The following FSD1L variants were observed in gnomAD, a reference collection of about 807,000 sequenced individuals.
FSD1L encodes fibronectin type III and SPRY domain containing 1 like, also known as FSD1-like protein.
In FSD1L, 45 loss-of-function variants were observed where a neutral mutation model predicts 71.6. That is an observed-to-expected ratio of 0.63 (90% CI 0.49 to 0.81). FSD1L has a LOEUF of 0.81. Among genes scored for constraint, FSD1L ranks in the 30% least tolerant of loss-of-function variants. The pLI, the probability that FSD1L is intolerant of heterozygous loss-of-function variation, is 0.00. For missense variants in FSD1L, 561 were observed against 618.1 expected (o/e 0.91, Z 0.98); for synonymous variants, 197 against 207.2 (o/e 0.95, Z 0.42).
In FSD1L at chr9:105,497,336, A is replaced by C. The variant is rs576983876; in HGVS notation, c.587-9063A>C. 2.6e-5 allele frequency among the ~76,000 whole-genome samples: 4 copies of C among 152,206 alleles called. No individual in the cohort carries two copies. The East Asian group carries it at 5.8e-4, about 22-fold the overall frequency. Reference sequence around the variant, plus strand: ...TGGTTTGTAGTTTTCTTTTGGAGTAATATCTTTGTCAGTTTTGGTATTAGG... The same window carrying C: ...TGGTTTGTAGTTTTCTTTTGGAGTACTATCTTTGTCAGTTTTGGTATTAGG... On this transcript the variant is annotated intron_variant, in intron 7 of 13. Coordinates refer to ENST00000481272, the MANE Select transcript of FSD1L (RefSeq NM_001145313.3).
chr9:105,508,903 A>G (rs532339823), intron 9 of FSD1L, among the ~76,000 whole-genome samples, 188 bp downstream of exon 9: 1 of 152,202 alleles, frequency 6.6e-6, no homozygotes, highest in African/African-American at 2.4e-5. Flanking sequence ...GGGTTTTCTT[A>G]TATGATTTTA....
intron 1 of FSD1L, among the ~76,000 whole-genome samples, chr9:105,454,484 A>C (rs1194001490): frequency 1.3e-5 from 2 of 152,206 alleles, no homozygotes; most frequent in Non-Finnish European, 2.9e-5. Flanking sequence ...GAGTCAATGT[A>C]TATCTATTTC....
upstream of FSD1L, among the ~76,000 whole-genome samples, chr9:105,447,424 C>T (rs1450800856): frequency 1.3e-5 from 2 of 151,792 alleles, no homozygotes; most frequent in Non-Finnish European, 2.9e-5. Flanking sequence ...CTGCAAAGTC[C>T]GCATTATTTC....
intron 7 of FSD1L, among the ~76,000 whole-genome samples, chr9:105,490,326 T>C (rs973360949): frequency 2.3e-4 from 35 of 152,222 alleles, no homozygotes; most frequent in African/African-American, 7.7e-4. Flanking sequence ...TCTGTTCATG[T>C]CCTTCGCCCA....
At chr9:105,520,777 A>C (rs1197180193) in intron 10 of FSD1L, 1 of 1,612,512 alleles carries the variant, frequency 6.2e-7, no homozygotes, top group Non-Finnish European at 8.5e-7. Context: ...AATCTCATTA[A>C]TCCTCCACTC....
intron 1 of FSD1L, among the ~76,000 whole-genome samples, chr9:105,455,300 A>G (rs963301675): frequency 6.6e-6 from 1 of 152,096 alleles, no homozygotes; most frequent in Non-Finnish European, 1.5e-5. Context: ...TCTCCCTTGT[A>G]TGTAATCCCT....
intron 13 of FSD1L, among the ~76,000 whole-genome samples, chr9:105,543,748 C>G (rs1342517055): frequency 6.6e-6 from 1 of 152,162 alleles, no homozygotes; most frequent in African/African-American, 2.4e-5. Flanking sequence ...CATGTCCCTA[C>G]AAAGGACATG....
rs562579476 is a variant in FSD1L at position 105,551,106 on chromosome 9, A to G, written c.*4623A>G. 2.2e-4 allele frequency: 34 copies of G among 152,166 alleles called. No individual in the cohort carries two copies. The highest frequency in any genetic ancestry group is 7.9e-4 in the African/African-American group (33 of 41,534). The allele number at this position is 152,166 out of a possible 1,614,324, so 9.4% of individuals were successfully genotyped here. A position where few individuals can be genotyped will look rare whatever the true frequency, so the allele number is the denominator to read the frequency against. The stretch of plus-strand genomic sequence containing the variant: ...ATAAGGGCTATGAGAATGCATATAT[A>G]TATTTTTTAACATTTCCTATATATC... On this transcript the variant is annotated 3_prime_UTR_variant, in exon 14 of 14. Transcript: ENST00000481272.
In FSD1L at chr9:105,521,470, G is replaced by A. The variant is rs1319041613; in HGVS notation, c.1025+8534G>A. On this transcript the variant is annotated intron_variant, in intron 10 of 13. Coordinates refer to ENST00000481272, the MANE Select transcript of FSD1L (RefSeq NM_001145313.3). ...CGCAGAGTTTTTTCTTCTAAAAGGA[G>A]TAATGTAAACTTTGTGACAGAGATA... 2.9e-5 allele frequency: 47 copies of A among 1,613,846 alleles called. No homozygotes were observed. The Middle Eastern group carries it at 8.3e-4, about 28-fold the overall frequency.
intron 13 of FSD1L, among the ~76,000 whole-genome samples, chr9:105,542,230 T>TA (rs1229391266): frequency 1.3e-5 from 2 of 152,184 alleles, no homozygotes; most frequent in Non-Finnish European, 2.9e-5. Context: ...CTATCAGTGA[T>TA]ATGAGAGTTG....
chr9:105,458,911 C>T (rs1830517880), intron 1 of FSD1L, among the ~76,000 whole-genome samples: 1 of 152,224 alleles, frequency 6.6e-6, no homozygotes, highest in South Asian at 2.1e-4. Flanking sequence ...GCCTAGCTTT[C>T]TGTCTTCGCT....
intron 1 of FSD1L, among the ~76,000 whole-genome samples, chr9:105,455,238 C>T (rs1830290306): frequency 6.6e-6 from 1 of 152,158 alleles, no homozygotes; most frequent in Non-Finnish European, 1.5e-5. Context: ...TGCCACTGGA[C>T]CTTTTCTGTA....
intron 10 of FSD1L, among the ~76,000 whole-genome samples, chr9:105,527,654 T>C (rs546959793): frequency 2.3e-4 from 35 of 149,380 alleles, no homozygotes; most frequent in Non-Finnish European, 4.4e-4. Context: ...TTTGTAACAG[T>C]GGGGGGAAAA....
chr9:105,524,346 C>T (rs1835369800), intron 10 of FSD1L: 1 of 1,613,778 alleles, frequency 6.2e-7, no homozygotes, highest in Admixed American at 1.7e-5. Context: ...TATTCAGATC[C>T]TAATAGCTAC....
chr9:105,521,051 A>G, intron 10 of FSD1L: 6 of 1,613,138 alleles, frequency 3.7e-6, no homozygotes, highest in Non-Finnish European at 5.1e-6. Context: ...ATCATCCTAT[A>G]CTTGACATCC....
At chr9:105,455,309 C>T (rs542640144) in intron 1 of FSD1L, among the ~76,000 whole-genome samples, 2 of 152,250 alleles carry the variant, frequency 1.3e-5, no homozygotes, top group East Asian at 1.9e-4. Flanking sequence ...TATGTAATCC[C>T]TTAATAAAAT....
intron 7 of FSD1L, among the ~76,000 whole-genome samples, chr9:105,496,639 T>G (rs181934311): frequency 1.3e-5 from 2 of 152,226 alleles, no homozygotes; most frequent in South Asian, 4.1e-4. Context: ...AAAGATTTCA[T>G]TTTGGGGGTG....
intron 10 of FSD1L, chr9:105,525,150 C>G: frequency 6.4e-7 from 1 of 1,562,942 alleles, no homozygotes; most frequent in Non-Finnish European, 8.6e-7. Context: ...CTTTCATTGT[C>G]TCACCAAGAG....
intron 7 of FSD1L, among the ~76,000 whole-genome samples, chr9:105,496,647 G>A (rs778965424): frequency 1.3e-5 from 2 of 152,168 alleles, no homozygotes; most frequent in African/African-American, 4.8e-5. Context: ...CATTTTGGGG[G>A]TGCTGATGTA....
Sources: allele counts gnomAD v4.1 joint callset (sites outside exome capture counted in the v4.1 genomes callset), GRCh38; gene constraint gnomAD v4.1.1; transcripts MANE v1.5; gene names NCBI Gene and HGNC (gene_info 2026-07-23, HGNC 2026-07-21).